Variants in MBD5 observed in about 807,000 individuals in gnomAD.
The protein encoded by MBD5 is methyl-CpG-binding domain protein 5.
In MBD5, 13 loss-of-function variants were observed where a neutral mutation model predicts 117.3. That is an observed-to-expected ratio of 0.11 (90% CI 0.07 to 0.18). MBD5 has a LOEUF of 0.18. Among genes scored for constraint, MBD5 ranks in the 10% least tolerant of loss-of-function variants. MBD5 has a pLI of 1.00. For missense variants in MBD5, 1,879 were observed against 2,093.8 expected (o/e 0.90, Z 2.00); for synonymous variants, 727 against 766.4 (o/e 0.95, Z 0.85).
intron 1 of MBD5, among the ~76,000 whole-genome samples, chr2:148,173,168 G>T (rs1301796260): frequency 6.6e-6 from 1 of 152,210 alleles, no homozygotes; most frequent in Non-Finnish European, 1.5e-5. Flanking sequence ...AGAAAGACGA[G>T]CTGTAACCCT....
intron 4 of MBD5, among the ~76,000 whole-genome samples, chr2:148,366,780 G>A (rs906525162): frequency 6.6e-6 from 1 of 152,126 alleles, no homozygotes; most frequent in African/African-American, 2.4e-5. Context: ...GGGATGTGAA[G>A]GGCCTCTTCA....
intron 1 of MBD5, among the ~76,000 whole-genome samples, chr2:148,104,668 A>G (rs1375295743): frequency 6.6e-6 from 1 of 152,232 alleles, no homozygotes; most frequent in Non-Finnish European, 1.5e-5. Context: ...AGTGCATGCC[A>G]GTAGCAAATT....
chr2:148,502,876 G>A (rs1574498193), intron 12 of MBD5: 2 of 329,816 alleles, frequency 6.1e-6, no homozygotes, highest in East Asian at 7.3e-5. Flanking sequence ...ACTTTGGGGA[G>A]TAAATACCCC....
intron 1 of MBD5, among the ~76,000 whole-genome samples, chr2:148,116,036 G>A (rs1451523184): frequency 2.0e-5 from 3 of 151,892 alleles, no homozygotes; most frequent in Non-Finnish European, 4.4e-5. Context: ...TAGAGGTGGG[G>A]TTTTGCCATG....
intron 1 of MBD5, among the ~76,000 whole-genome samples, chr2:148,034,847 C>G (rs902078337): frequency 6.6e-6 from 1 of 152,184 alleles, no homozygotes; most frequent in Non-Finnish European, 1.5e-5. Context: ...CTTCTAATTA[C>G]TATTACTCAC....
intron 4 of MBD5, chr2:148,393,335 A>G (rs1574374590): frequency 6.6e-6 from 1 of 152,200 alleles, no homozygotes; most frequent in East Asian, 1.9e-4. Flanking sequence ...CCTACAATGA[A>G]GAAATAAATC....
intron 1 of MBD5, among the ~76,000 whole-genome samples, chr2:148,051,044 C>T (rs905146316): frequency 2.0e-5 from 3 of 152,124 alleles, no homozygotes; most frequent in Non-Finnish European, 4.4e-5. Flanking sequence ...AGTAACTCTT[C>T]CAGTCCATGA....
chr2:148,500,388 T>C (rs547403205), intron 11 of MBD5, among the ~76,000 whole-genome samples: 3 of 152,046 alleles, frequency 2.0e-5, no homozygotes, highest in Non-Finnish European at 4.4e-5. Context: ...GAGTCAGACC[T>C]GAGTTTCAGT....
chr2:148,253,496 G>A (rs1218452215), intron 3 of MBD5, among the ~76,000 whole-genome samples: 1 of 152,152 alleles, frequency 6.6e-6, no homozygotes, highest in Non-Finnish European at 1.5e-5. Context: ...AGATACTGCA[G>A]GTTCGGTTTC....
chr2:148,251,201 A>G (rs1700456526), intron 3 of MBD5, among the ~76,000 whole-genome samples: 1 of 152,210 alleles, frequency 6.6e-6, no homozygotes, highest in Non-Finnish European at 1.5e-5. Flanking sequence ...TTATTTTATA[A>G]CAAAAAGGGC....
intron 11 of MBD5, among the ~76,000 whole-genome samples, chr2:148,500,327 C>T (rs1489517805): frequency 1.3e-5 from 2 of 151,728 alleles, no homozygotes; most frequent in Non-Finnish European, 2.9e-5. Flanking sequence ...AAAATGACTA[C>T]ATTTCAATGT....
chr2:148,075,416 G>C (rs1047476715), intron 1 of MBD5, among the ~76,000 whole-genome samples: 3 of 152,186 alleles, frequency 2.0e-5, no homozygotes, highest in Non-Finnish European at 4.4e-5. Flanking sequence ...TGGGCTAAGA[G>C]AAATGGAAAT....
At chr2:148,066,970 A>G (rs1695214528) in intron 1 of MBD5, among the ~76,000 whole-genome samples, 1 of 152,202 alleles carries the variant, frequency 6.6e-6, no homozygotes, top group Admixed American at 6.5e-5. Flanking sequence ...ATTTTGAGAG[A>G]ACACCTGGAA....
chr2:148,294,509 T>TTTTTTGTTTG (rs750245317), intron 3 of MBD5, among the ~76,000 whole-genome samples: 9 of 129,984 alleles, frequency 6.9e-5, no homozygotes, highest in Admixed American at 2.3e-4. Flanking sequence ...CAGTTTTTTT[T>TTTTTTGTTTG]TTTTTTTTTT....
At chr2:148,413,565 C>T (rs1397313019) in intron 4 of MBD5, among the ~76,000 whole-genome samples, 1 of 148,042 alleles carries the variant, frequency 6.8e-6, no homozygotes, top group Non-Finnish European at 1.5e-5. Flanking sequence ...CTTCTTTATA[C>T]ACCTGGTAGA....
chr2:148,021,765 A>G, intron 1 of MBD5, 81 bp downstream of exon 1: 2 of 201,394 alleles, frequency 9.9e-6, no homozygotes, highest in South Asian at 5.5e-5. Context: ...CAAACCACAT[A>G]CGCAGTGGAG....
intron 4 of MBD5, among the ~76,000 whole-genome samples, chr2:148,383,274 A>G (rs1397631651): frequency 1.3e-5 from 2 of 152,226 alleles, no homozygotes; most frequent in Admixed American, 6.5e-5. Flanking sequence ...CAAAGGGGAT[A>G]TCACCACTGA....
chr2:148,423,747 C>T (rs778037655), intron 4 of MBD5, among the ~76,000 whole-genome samples: 2 of 152,148 alleles, frequency 1.3e-5, no homozygotes, highest in African/African-American at 2.4e-5. Flanking sequence ...TTAAAAGACA[C>T]AGACTGGCAA....
intron 4 of MBD5, among the ~76,000 whole-genome samples, chr2:148,412,459 A>G (rs917461116): frequency 3.3e-5 from 5 of 152,038 alleles, no homozygotes; most frequent in Non-Finnish European, 5.9e-5. Flanking sequence ...TTGGTTTCAC[A>G]TGAATTTTAA....
Sources: allele counts gnomAD v4.1 joint callset (sites outside exome capture counted in the v4.1 genomes callset), GRCh38; gene constraint gnomAD v4.1.1; transcripts MANE v1.5; gene names NCBI Gene and HGNC (gene_info 2026-07-23, HGNC 2026-07-21).